AKT3: variants seen among roughly 807,000 people sequenced by gnomAD.
The protein encoded by AKT3 is RAC-gamma serine/threonine-protein kinase.
In AKT3, 15 loss-of-function variants were observed where a neutral mutation model predicts 65.3. The observed-to-expected ratio is 0.23, with a 90% CI of 0.15 to 0.35. The LOEUF is 0.35. Among genes scored for constraint, AKT3 ranks in the 10% least tolerant of loss-of-function variants. AKT3 has a pLI of 1.00. For synonymous variants in AKT3, 206 were observed against 183.8 expected, an observed-to-expected ratio of 1.12 and a Z score of -0.98; for missense variants, 243 against 576.5, an observed-to-expected ratio of 0.42 and a Z score of 5.92.
At chr1:243,743,671 A>G (rs1688302375) in intron 2 of AKT3, among the ~76,000 whole-genome samples, 2 of 152,230 alleles carry the variant, frequency 1.3e-5, no homozygotes, top group African/African-American at 2.4e-5. Flanking sequence ...TGAATAGTAA[A>G]TATATGAAAA....
chr1:243,687,250 C>T (rs1421994270), intron 3 of AKT3, among the ~76,000 whole-genome samples: 1 of 151,964 alleles, frequency 6.6e-6, no homozygotes, highest in East Asian at 1.9e-4. Context: ...CTAAATAAGC[C>T]CCCCCATTCC....
chr1:243,784,709 T>C (rs967104115), intron 2 of AKT3, among the ~76,000 whole-genome samples: 1 of 152,160 alleles, frequency 6.6e-6, no homozygotes, highest in African/African-American at 2.4e-5. Flanking sequence ...GGCACCACCA[T>C]AGCCCTCATG....
intron 6 of AKT3, among the ~76,000 whole-genome samples, chr1:243,632,325 T>C (rs144954933): frequency 5.8e-4 from 89 of 152,320 alleles, no homozygotes; most frequent in Non-Finnish European, 1.1e-3. Context: ...TTCATCTCCT[T>C]GTATATCTCC....
At chr1:243,775,287 G>A (rs942461838) in intron 2 of AKT3, among the ~76,000 whole-genome samples, 1 of 151,646 alleles carries the variant, frequency 6.6e-6, no homozygotes, top group South Asian at 2.1e-4. Context: ...TTCACACCAT[G>A]CTCCTGCCTC....
chr1:243,777,174 A>G (rs574083909), intron 2 of AKT3, among the ~76,000 whole-genome samples: 2 of 152,184 alleles, frequency 1.3e-5, no homozygotes, highest in South Asian at 2.1e-4. Context: ...TGGGGAGTGA[A>G]GATGGTTTGG....
At chr1:243,779,976 C>T (rs1690802322) in intron 2 of AKT3, among the ~76,000 whole-genome samples, 1 of 151,986 alleles carries the variant, frequency 6.6e-6, no homozygotes, top group African/African-American at 2.4e-5. Context: ...AAAGAAATTT[C>T]CTCCTTATAG....
chr1:243,613,569 C>G (rs988895518), intron 8 of AKT3, 102 bp downstream of exon 8: 8 of 835,844 alleles, frequency 9.6e-6, no homozygotes, highest in Non-Finnish European at 1.8e-6. Flanking sequence ...AAATTCCTAT[C>G]AAGAAATGGA....
At chr1:243,746,093 G>A (rs1230568331) in intron 2 of AKT3, among the ~76,000 whole-genome samples, 1 of 152,090 alleles carries the variant, frequency 6.6e-6, no homozygotes, top group Non-Finnish European at 1.5e-5. Context: ...TTCATTCGAT[G>A]ATTTTTTACT....
chr1:243,728,745 T>C (rs977999586), intron 2 of AKT3, among the ~76,000 whole-genome samples: 6 of 152,178 alleles, frequency 3.9e-5, no homozygotes, highest in Non-Finnish European at 8.8e-5. Flanking sequence ...GTACGTGTCA[T>C]TAAAAGCACA....
rs1553396256 is a variant in AKT3 at position 243,527,892 on chromosome 1, C to CACACAAGCAAGACTCCATCTCTTAAA, written c.1252-15467_1252-15466insTTTAAGAGATGGAGTCTTGCTTGTGT. Among the ~76,000 whole-genome samples, 167 of 101,332 alleles carry CACACAAGCAAGACTCCATCTCTTAAA rather than the reference C, an allele frequency of 1.6e-3. 3 individuals carry two copies. Among genetic ancestry groups the CACACAAGCAAGACTCCATCTCTTAAA allele is most frequent in the African/African-American group, 7.1e-3 (165 of 23,116 alleles). 66.5% of individuals were successfully genotyped at this position (101,332 alleles called of 152,430 possible). ...TAAAACACACACACACACACACACA[C>CACACAAGCAAGACTCCATCTCTTAAA]ACACACACACACACACACACACACA... On this transcript the variant is annotated intron_variant, in intron 12 of 13. Coordinates refer to ENST00000673466, the MANE Select transcript of AKT3 (RefSeq NM_005465.7).
downstream of AKT3, among the ~76,000 whole-genome samples, chr1:243,499,472 G>T (rs1366552828): frequency 6.6e-6 from 1 of 152,100 alleles, no homozygotes. Context: ...CTCTGGCCAT[G>T]TCCTAACACC....
Position 243,501,459 on chromosome 1 carries a change from C to G in AKT3, c.*3790G>C, listed in dbSNP as rs572502589. ...GTCTGAATGTCCCCAGGGTCTGAGA[C>G]CTCCTTCATCCCTGGCTTCACAGTA... On this transcript the variant is annotated 3_prime_UTR_variant, in exon 14 of 14. Transcript: ENST00000673466. 23 of 233,200 alleles carry G rather than the reference C, an allele frequency of 9.9e-5. No homozygotes were observed. Among genetic ancestry groups the G allele is most frequent in the Admixed American group, 1.7e-4 (3 of 17,800 alleles). 14.4% of individuals were successfully genotyped at this position (233,200 alleles called of 1,614,324 possible).
chr1:243,613,816 A>C (rs547309060), intron 7 of AKT3, 77 bp from the exon 8 acceptor site: 3 of 845,016 alleles, frequency 3.6e-6, no homozygotes, highest in South Asian at 2.5e-5. Flanking sequence ...AAAATAGAAC[A>C]CATAGAAATA....
intron 6 of AKT3, among the ~76,000 whole-genome samples, chr1:243,630,225 C>T (rs1181934969): frequency 1.3e-5 from 2 of 152,128 alleles, no homozygotes; most frequent in Admixed American, 6.5e-5. Context: ...CAGCCAATAT[C>T]CCCAGAAGTC....
chr1:243,542,471 C>T (rs1478157095), intron 12 of AKT3, among the ~76,000 whole-genome samples: 1 of 152,102 alleles, frequency 6.6e-6, no homozygotes, highest in Admixed American at 6.6e-5. Context: ...ATGCCAGAAT[C>T]TCTAGATGTG....
chr1:243,616,784 A>T (rs1321227952), intron 6 of AKT3, among the ~76,000 whole-genome samples: 1 of 152,194 alleles, frequency 6.6e-6, no homozygotes, highest in Non-Finnish European at 1.5e-5. Flanking sequence ...CAACCATTCA[A>T]AGAAGGTAAG....
At chr1:243,810,720 C>A (rs1381382375) in intron 2 of AKT3, among the ~76,000 whole-genome samples, 2 of 151,560 alleles carry the variant, frequency 1.3e-5, no homozygotes, top group Non-Finnish European at 2.9e-5. Flanking sequence ...AGAGACACAA[C>A]AAAAAAAAGA....
At chr1:243,490,386 C>A (rs1403162748) in intron 13 of AKT3, among the ~76,000 whole-genome samples, 1 of 152,244 alleles carries the variant, frequency 6.6e-6, no homozygotes, top group East Asian at 1.9e-4. Flanking sequence ...GGAGGCGAGG[C>A]CTCACCTGGC....
chr1:243,542,226 C>T (rs1334525948), intron 12 of AKT3, among the ~76,000 whole-genome samples: 1 of 152,132 alleles, frequency 6.6e-6, no homozygotes, highest in East Asian at 1.9e-4. Context: ...CTATAAAACA[C>T]CCTGCTAGAG....
Sources: gnomAD v4.1 joint callset for allele counts (sites outside exome capture counted in the v4.1 genomes callset) on GRCh38, gnomAD v4.1.1 for gene constraint, MANE v1.5 for transcripts, NCBI Gene and HGNC (gene_info 2026-07-23, HGNC 2026-07-21) for gene names.